PARN: variants seen among roughly 807,000 people sequenced by gnomAD.
PARN encodes poly(A)-specific ribonuclease PARN.
PARN carries 71 observed loss-of-function variants against 102.8 expected under a neutral mutation model. The observed-to-expected ratio is 0.69, with a 90% confidence interval of 0.57 to 0.84. The LOEUF is 0.84. Ranked by LOEUF, PARN falls within the 40% of genes least tolerant of loss-of-function variation. The pLI, the probability that PARN is intolerant of heterozygous loss-of-function variation, is 0.00. For synonymous variants in PARN, 261 were observed against 252.9 expected (o/e 1.03, Z -0.30); for missense variants, 782 against 760.9 (o/e 1.03, Z -0.33).
intron 21 of PARN, among the ~76,000 whole-genome samples, chr16:14,510,701 G>C (rs1330076776): frequency 1.3e-5 from 2 of 152,194 alleles, no homozygotes; most frequent in Non-Finnish European, 2.9e-5. Flanking sequence ...TTTGAGCCTA[G>C]ATCTCCATGC....
intron 18 of PARN, among the ~76,000 whole-genome samples, chr16:14,572,033 C>T (rs914521407): frequency 6.6e-6 from 1 of 152,168 alleles, no homozygotes; most frequent in African/African-American, 2.4e-5. Flanking sequence ...TATGTTAAAA[C>T]TCATGTTTAT....
chr16:14,627,365 CA>C (rs1972741600), intron 3 of PARN, 29 bp from the exon 4 acceptor site: 2 of 1,516,084 alleles, frequency 1.3e-6, no homozygotes, highest in African/African-American at 1.4e-5. Context: ...ACATCTGTCA[CA>C]AAAGTGCTGC....
intron 18 of PARN, among the ~76,000 whole-genome samples, chr16:14,567,520 G>A (rs1329370620): frequency 1.3e-5 from 2 of 152,310 alleles, no homozygotes; most frequent in Admixed American, 6.5e-5. Context: ...AAAAGCTGCA[G>A]GGCACAGGAT....
rs1264607964 is a variant in PARN, at chr16:14,447,084, G to C, written c.1671-3C>G. The C allele has an allele frequency of 6.2e-7, 1 of 1,603,602 alleles. No homozygotes were observed. The highest frequency in any genetic ancestry group is 8.5e-7 in the Non-Finnish European group (1 of 1,175,556). ...CTACTGTGCTGGGAGCTGTAAAACT[G>C]AAATGCAAAAAGTGGAACAACATAA... On this transcript the variant is annotated splice_polypyrimidine_tract_variant and splice_region_variant and intron_variant, in intron 22 of 23. Coordinates refer to ENST00000437198, the MANE Select transcript of PARN (RefSeq NM_002582.4).
At chr16:14,464,638 T>C (rs532638924) in intron 22 of PARN, among the ~76,000 whole-genome samples, 10 of 152,016 alleles carry the variant, frequency 6.6e-5, no homozygotes, top group African/African-American at 2.4e-4. Flanking sequence ...ACACCTGTAA[T>C]CCCAGCTACT....
intron 16 of PARN, among the ~76,000 whole-genome samples, chr16:14,582,718 ACT>A: frequency 6.6e-6 from 1 of 152,166 alleles, no homozygotes; most frequent in African/African-American, 2.4e-5. Context: ...CTGGAGTCAC[ACT>A]GAGTTCGAAT....
At chr16:14,459,687 G>A (rs572300312) in intron 22 of PARN, among the ~76,000 whole-genome samples, 1 of 152,108 alleles carries the variant, frequency 6.6e-6, no homozygotes, top group Non-Finnish European at 1.5e-5. Flanking sequence ...GTGGAAAAGT[G>A]AATAGAATAA....
intron 22 of PARN, among the ~76,000 whole-genome samples, chr16:14,450,850 T>C (rs1398159026): frequency 6.6e-6 from 1 of 151,778 alleles, no homozygotes; most frequent in African/African-American, 2.4e-5. Context: ...ACTGGGAAAA[T>C]CTGGGACAAT....
chr16:14,519,083 T>A (rs577671022), intron 21 of PARN, among the ~76,000 whole-genome samples: 3 of 152,050 alleles, frequency 2.0e-5, no homozygotes, highest in East Asian at 3.9e-4. Context: ...AATGATTATA[T>A]GATATTCTAT....
At chr16:14,603,004 T>C (rs1596823350) in intron 11 of PARN, among the ~76,000 whole-genome samples, 2 of 151,928 alleles carry the variant, frequency 1.3e-5, no homozygotes, top group East Asian at 3.9e-4. Flanking sequence ...AACTGCAACC[T>C]CCACCTCCCG....
intron 6 of PARN, among the ~76,000 whole-genome samples, chr16:14,615,119 T>A (rs1332418347): frequency 6.6e-6 from 1 of 152,016 alleles, no homozygotes; most frequent in East Asian, 1.9e-4. Context: ...ATGGAAAGCC[T>A]TGAAAATGGA....
At chr16:14,516,684 C>G (rs117245296) in intron 21 of PARN, among the ~76,000 whole-genome samples, 1 of 152,180 alleles carries the variant, frequency 6.6e-6, no homozygotes, top group Non-Finnish European at 1.5e-5. Flanking sequence ...CATTCAAGAA[C>G]TCAGGGAGCA....
chr16:14,542,976 T>G (rs1966850712), intron 21 of PARN, among the ~76,000 whole-genome samples: 1 of 152,190 alleles, frequency 6.6e-6, no homozygotes, highest in South Asian at 2.1e-4. Flanking sequence ...CTCAATAAGT[T>G]CAGCCAACCC....
intron 21 of PARN, among the ~76,000 whole-genome samples, chr16:14,544,943 T>C (rs1184714389): frequency 6.6e-6 from 1 of 152,164 alleles, no homozygotes; most frequent in African/African-American, 2.4e-5. Flanking sequence ...TCCCGGCACT[T>C]TGGGAGGCTG....
intron 5 of PARN, among the ~76,000 whole-genome samples, chr16:14,625,112 A>G (rs1372728554): frequency 6.6e-6 from 1 of 152,114 alleles, no homozygotes; most frequent in African/African-American, 2.4e-5. Context: ...CCCACTTTAA[A>G]TAATTCTGTG....
intron 23 of PARN, among the ~76,000 whole-genome samples, chr16:14,442,995 T>C (rs1056599539): frequency 6.6e-6 from 1 of 152,244 alleles, no homozygotes; most frequent in Non-Finnish European, 1.5e-5. Flanking sequence ...TCATTTCCTC[T>C]AAAGTCTGGA....
chr16:14,629,646 G>A lies in PARN; in HGVS notation c.48C>T (p.Tyr16=), dbSNP rs576526220. ...SNFKSNLHKV[Y]QAIEEADFFA... ...AGAAGTCGGCCTCCTCTATGGCCTG[G>A]TACACTTTGTGAAGATTACTCTTAA... is the stretch of plus-strand genomic sequence containing the variant. Residue 16 remains tyrosine (Y), a synonymous_variant, in exon 2 of 24, where the codon TAC becomes TAT. Transcript: ENST00000437198. 6 of 1,613,240 alleles carry A rather than the reference G, an allele frequency of 3.7e-6. No homozygotes were observed. The South Asian group carries it at 6.6e-5, about 18-fold the overall frequency.
At chr16:14,437,997 A>T (rs1960779046) in intron 23 of PARN, among the ~76,000 whole-genome samples, 1 of 152,236 alleles carries the variant, frequency 6.6e-6, no homozygotes, top group Admixed American at 6.5e-5. Context: ...AGACCGGGAA[A>T]GGGTAACCGG....
At chr16:14,469,864 A>T (rs1005880267) in intron 22 of PARN, among the ~76,000 whole-genome samples, 2 of 152,256 alleles carry the variant, frequency 1.3e-5, no homozygotes, top group African/African-American at 4.8e-5. Context: ...CAACTCAAAC[A>T]GAAAATCTGT....
Sources: gnomAD v4.1 joint callset for allele counts (sites outside exome capture counted in the v4.1 genomes callset) on GRCh38, gnomAD v4.1.1 for gene constraint, MANE v1.5 for transcripts, NCBI Gene and HGNC (gene_info 2026-07-23, HGNC 2026-07-21) for gene names.